TRIM29: variants seen among roughly 807,000 people sequenced by gnomAD.
TRIM29 encodes tripartite motif-containing protein 29.
TRIM29 carries 52 observed loss-of-function variants against 57.3 expected under a neutral mutation model. The ratio of observed to expected loss-of-function variants is 0.91; its 90% CI spans 0.73 to 1.14. The LOEUF is 1.14. TRIM29 is among the 50% of genes most tolerant of loss of function. The pLI is 0.00. For missense variants in TRIM29, 753 were observed against 774.6 expected (o/e 0.97, Z 0.33); for synonymous variants, 319 against 316.9 (o/e 1.01, Z -0.07).
At position 120,125,740 on chromosome 11, in the gene TRIM29, G is replaced by C; in HGVS notation, c.1284C>G (p.Cys428Trp). 6.2e-7 allele frequency: 1 copy of C among 1,614,218 alleles called. No individual in the cohort carries two copies. The highest frequency in any genetic ancestry group is 8.5e-7 in the Non-Finnish European group (1 of 1,180,044). Residue 428 changes from cysteine to tryptophan, a missense_variant, in exon 4 of 9, where the codon TGC becomes TGG. Physicochemically the swap from Cys to Trp is radical, Grantham distance 215. Coordinates refer to ENST00000341846, the MANE Select transcript of TRIM29 (RefSeq NM_012101.4). Reference protein sequence around the residue: ...NVCMRHVEKMCKADLSRNFIE... With the variant: ...NVCMRHVEKMWKADLSRNFIE... The stretch of plus-strand genomic sequence containing the variant: ...TGAAGTTACGGCTCAGGTCCGCCTT[G>C]CACATCTTCTCAACGTGGCGCATGC...
chr11:120,132,237 C>G (rs1863736281), intron 1 of TRIM29, among the ~76,000 whole-genome samples: 1 of 151,142 alleles, frequency 6.6e-6, no homozygotes, highest in Admixed American at 6.6e-5. Context: ...TCCCAGCACC[C>G]TCCCCATTGT....
intron 3 of TRIM29, among the ~76,000 whole-genome samples, chr11:120,126,929 G>C (rs939898513): frequency 2.1e-4 from 32 of 152,120 alleles, no homozygotes; most frequent in African/African-American, 6.3e-4. Flanking sequence ...AAACACTCTA[G>C]CAGATGGAAG....
chr11:120,116,352 C>A, intron 7 of TRIM29: 1 of 152,488 alleles, frequency 6.6e-6, no homozygotes, highest in East Asian at 1.9e-4. Context: ...TGGGAAGACA[C>A]AGGCCATGAC....
intron 1 of TRIM29, among the ~76,000 whole-genome samples, chr11:120,130,294 C>T (rs1591329730): frequency 6.6e-6 from 1 of 152,304 alleles, no homozygotes; most frequent in Middle Eastern, 3.4e-3. Context: ...CAGGGAACAG[C>T]TGGAGACCCC....
rs1336943132 is a variant in TRIM29 at position 120,118,247 on chromosome 11, C to T, written c.1603G>A (p.Gly535Ser). The T allele has an allele frequency of 4.3e-6, 7 of 1,614,048 alleles. No homozygotes were observed. Among genetic ancestry groups the T allele is most frequent in the Non-Finnish European group, 5.9e-6 (7 of 1,179,980 alleles). The stretch of plus-strand genomic sequence containing the variant: ...CCTTTCAGGGAGAAGGAGGAGCTGC[C>T]TTGGACGACGGGCAGGTCATTGTCA... ...NSDNDLPVVQGSSSFSLKGYP... is the reference protein window; with the variant it reads ...NSDNDLPVVQSSSSFSLKGYP... Residue 535 changes from glycine to serine, a missense_variant, in exon 7 of 9, where the codon GGC becomes AGC. Gly to Ser is a moderately conservative substitution (Grantham distance 56, BLOSUM62 0). Transcript: ENST00000341846.
Position 120,137,380 on chromosome 11 carries a change from G to T in TRIM29, c.652C>A (p.Arg218=). 1.2e-6 allele frequency: 2 copies of T among 1,613,330 alleles called. No homozygotes were observed. Among genetic ancestry groups the T allele is most frequent in the African/African-American group, 1.3e-5 (1 of 75,046 alleles). ...FRDHQLLEPI[R]DFEARKCPVH... ...GGACACTTGCGGGCCTCAAAGTCCCGGATGGGCTCGAGCAGCTGGTGGTCT... is the reference window on the plus strand; with the variant it reads ...GGACACTTGCGGGCCTCAAAGTCCCTGATGGGCTCGAGCAGCTGGTGGTCT... The change falls in exon 1 of 9, where the codon CGG becomes AGG. Residue 218 remains arginine (R), a synonymous_variant. Transcript: ENST00000341846. This position sits in a 1 kb window ranked among gnomAD's most constrained non-coding sequence, Gnocchi z 6.2.
chr11:120,117,793 G>A (rs1437943156), intron 7 of TRIM29: 1 of 199,686 alleles, frequency 5.0e-6, no homozygotes, highest in Non-Finnish European at 1.0e-5. Context: ...TTTCCCAAAG[G>A]GGCGCCTGCA....
At chr11:120,120,744 T>A (rs1333117236) in intron 5 of TRIM29, 79 bp from the exon 6 acceptor site, 7 of 1,275,718 alleles carry the variant, frequency 5.5e-6, no homozygotes, top group Non-Finnish European at 7.8e-6. Flanking sequence ...GTTGCCCAAG[T>A]GCCCATCACA....
intron 6 of TRIM29, among the ~76,000 whole-genome samples, chr11:120,119,748 C>T (rs1212143404): frequency 6.6e-6 from 1 of 152,122 alleles, no homozygotes; most frequent in Non-Finnish European, 1.5e-5. Flanking sequence ...CTTGCCCTCA[C>T]TGAAGAGTCC....
chr11:120,137,191 A>C lies in TRIM29; in HGVS notation c.804+37T>G. The C allele has an allele frequency of 6.2e-7, 1 of 1,605,222 alleles. No homozygotes were observed. Among genetic ancestry groups the C allele is most frequent in the African/African-American group, 1.3e-5 (1 of 74,886 alleles). On this transcript the variant is annotated intron_variant, in intron 1 of 8. Coordinates refer to ENST00000341846, the MANE Select transcript of TRIM29 (RefSeq NM_012101.4). This position sits in a 1 kb window ranked among gnomAD's most constrained non-coding sequence, Gnocchi z 6.2. Reference sequence around the variant, plus strand: ...GTTCGGAGGGGTGGGGTGAGAGAGGAGAGGCCTGGAGGGGCAGGAGGGGCC... The same window carrying C: ...GTTCGGAGGGGTGGGGTGAGAGAGGCGAGGCCTGGAGGGGCAGGAGGGGCC...
rs1438659635 is a variant in TRIM29, at chr11:120,123,294, T to C, written c.1334-239A>G. On this transcript the variant is annotated intron_variant, in intron 4 of 8. Transcript: ENST00000341846. Reference sequence around the variant, plus strand: ...TCCACCCTCTTGAACTAAGCCCTTGTAAATACGATTGTGTGCACAACACTT... The same window carrying C: ...TCCACCCTCTTGAACTAAGCCCTTGCAAATACGATTGTGTGCACAACACTT... 8.9e-6 allele frequency: 6 copies of C among 675,342 alleles called. No homozygotes were observed. In the South Asian group the frequency reaches 9.0e-5, roughly 10 times the overall value. The allele number at this position is 675,342 out of a possible 1,614,324, so 41.8% of individuals were successfully genotyped here. A position where few individuals can be genotyped will look rare whatever the true frequency, so the allele number is the denominator to read the frequency against.
At chr11:120,117,967 G>A (rs1022523810) in intron 7 of TRIM29, 7 of 524,552 alleles carry the variant, frequency 1.3e-5, no homozygotes, top group South Asian at 1.0e-4. Context: ...TGACCACTGA[G>A]AGCTGTTGTT....
At chr11:120,130,216 G>T (rs901943255) in intron 1 of TRIM29, among the ~76,000 whole-genome samples, 1 of 152,108 alleles carries the variant, frequency 6.6e-6, no homozygotes, top group Non-Finnish European at 1.5e-5. Flanking sequence ...GAGTCCAAGA[G>T]AGTGGACTGG....
chr11:120,112,495 T>C lies in TRIM29; in HGVS notation c.1705-19A>G, dbSNP rs780774448. 2 of 1,612,952 alleles carry C rather than the reference T, an allele frequency of 1.2e-6. No individual in the cohort carries two copies. The highest frequency in any genetic ancestry group is 2.2e-5 in the South Asian group (2 of 91,008). On this transcript the variant is annotated intron_variant, in intron 8 of 8. Transcript: ENST00000341846. Reference sequence around the variant, plus strand: ...AGTGAGACTGTGGGGGAAACAAGAGTGGTCAGCGAGGCCAGACGACAGATG... The same window carrying C: ...AGTGAGACTGTGGGGGAAACAAGAGCGGTCAGCGAGGCCAGACGACAGATG...
chr11:120,127,089 A>G (rs1863606874), intron 3 of TRIM29, among the ~76,000 whole-genome samples: 1 of 152,238 alleles, frequency 6.6e-6, no homozygotes, highest in South Asian at 2.1e-4. Flanking sequence ...TGAAGTTGGT[A>G]AAAGGTGATA....
At chr11:120,136,323 C>T (rs887867517) in intron 1 of TRIM29, among the ~76,000 whole-genome samples, 24 of 152,316 alleles carry the variant, frequency 1.6e-4, no homozygotes, top group Middle Eastern at 3.4e-3. Context: ...AGAGCACTTA[C>T]ATTAGCCGAC....
At chr11:120,126,145 T>G in intron 3 of TRIM29, 1 of 487,308 alleles carries the variant, frequency 2.1e-6, no homozygotes, top group Non-Finnish European at 3.7e-6. Flanking sequence ...TCTGTTTACC[T>G]CATAGGGTTT....
chr11:120,120,552 T>A, intron 6 of TRIM29, 21 bp downstream of exon 6: 2 of 1,608,398 alleles, frequency 1.2e-6, no homozygotes, highest in Non-Finnish European at 1.7e-6. Flanking sequence ...CTGTGCACCC[T>A]TGAGCTGAGC....
chr11:120,118,373 G>T (rs534978873), intron 6 of TRIM29, 52 bp from the exon 7 acceptor site: 10 of 1,448,136 alleles, frequency 6.9e-6, no homozygotes, highest in Non-Finnish European at 9.5e-6. Context: ...AGTGGGAGAG[G>T]AGGCAGGACC....
Sources: allele counts gnomAD v4.1 joint callset (sites outside exome capture counted in the v4.1 genomes callset), GRCh38; gene constraint gnomAD v4.1.1; non-coding constraint Gnocchi (gnomAD v3.1); transcripts MANE v1.5; gene names NCBI Gene and HGNC (gene_info 2026-07-23, HGNC 2026-07-21).